Variants in ESRRG observed in about 807,000 individuals in gnomAD.
ESRRG encodes the protein estrogen related receptor gamma.
Under a neutral mutation model 44.0 loss-of-function variants are expected in ESRRG, and 13 were observed. The observed-to-expected ratio is 0.30, with a 90% CI of 0.19 to 0.47. The LOEUF (loss-of-function observed/expected upper bound fraction) is 0.47. ESRRG is among the 20% of genes least tolerant of loss of function. The pLI is 1.00. For synonymous variants in ESRRG, 215 were observed against 214.6 expected (o/e 1.00, Z -0.02); for missense variants, 395 against 580.6 (o/e 0.68, Z 3.29).
chr1:216,736,076 G>A (rs111851864), intron 2 of ESRRG, among the ~76,000 whole-genome samples: 9,322 of 150,832 alleles, frequency 0.062, 369 homozygotes, highest in African/African-American at 0.091. Context: ...TGAGAACAGG[G>A]GGGGAGTTTC....
At chr1:216,655,483 T>TG (rs1304877222) in intron 2 of ESRRG, among the ~76,000 whole-genome samples, 3 of 152,082 alleles carry the variant, frequency 2.0e-5, no homozygotes, top group African/African-American at 7.2e-5. Flanking sequence ...ATGACTACAC[T>TG]GGGGTAAAGG....
At chr1:217,130,557 G>T (rs1345457011) in intron 1 of ESRRG, among the ~76,000 whole-genome samples, 1 of 152,068 alleles carries the variant, frequency 6.6e-6, no homozygotes, top group Non-Finnish European at 1.5e-5. Flanking sequence ...CCTTCCTGAT[G>T]TTACATCTCC....
chr1:216,919,811 A>C (rs11572510), intron 2 of ESRRG, among the ~76,000 whole-genome samples: 11,106 of 152,240 alleles, frequency 0.073, 465 homozygotes, highest in Non-Finnish European at 0.091. Flanking sequence ...AGTGTATGGT[A>C]GGAGAACAAG....
chr1:217,131,975 T>C (rs368197120), intron 1 of ESRRG, among the ~76,000 whole-genome samples: 2 of 152,008 alleles, frequency 1.3e-5, no homozygotes, highest in South Asian at 2.1e-4. Flanking sequence ...ACTGACCTCT[T>C]AGAAAAAGAA....
At chr1:216,801,667 G>T (rs192159369) in intron 2 of ESRRG, among the ~76,000 whole-genome samples, 1 of 152,044 alleles carries the variant, frequency 6.6e-6, no homozygotes, top group African/African-American at 2.4e-5. Context: ...TTGTGGTTTC[G>T]ATTTGCATCT....
intron 6 of ESRRG, among the ~76,000 whole-genome samples, chr1:216,515,459 C>A (rs778336040): frequency 2.6e-5 from 4 of 152,072 alleles, no homozygotes; most frequent in Non-Finnish European, 5.9e-5. Flanking sequence ...ATTCCAGTAT[C>A]CTACAGCAAT....
chr1:216,527,092 C>T (rs1480732793), intron 5 of ESRRG, among the ~76,000 whole-genome samples: 2 of 152,158 alleles, frequency 1.3e-5, no homozygotes, highest in Admixed American at 1.3e-4. Context: ...TAATCCTTGT[C>T]ATCTAAGATT....
At chr1:217,080,671 GTTTTTTTTT>G (rs34598045) in intron 1 of ESRRG, among the ~76,000 whole-genome samples, 2 of 65,246 alleles carry the variant, frequency 3.1e-5, no homozygotes, top group Non-Finnish European at 5.6e-5. Context: ...TGTTTTTTTG[GTTTTTTTTT>G]TTTTTTTTTT....
chr1:216,929,284 T>C lies in ESRRG; in HGVS notation c.-14+10298A>G, dbSNP rs1367830398. On this transcript the variant is annotated intron_variant, in intron 2 of 7. Coordinates refer to the ESRRG transcript ENST00000359162. ...CTTGCTTCCTTCCTTCCTTCCTTCC[T>C]TCCCTCTTTCCCTTAAGAAATATTT... Among the ~76,000 whole-genome samples the C allele has an allele frequency of 5.9e-5, 9 of 152,208 alleles. No individual in the cohort carries two copies. The East Asian group carries it at 1.7e-3, about 29-fold the overall frequency.
chr1:217,075,871 T>C (rs1363526764), intron 1 of ESRRG, among the ~76,000 whole-genome samples: 2 of 152,202 alleles, frequency 1.3e-5, no homozygotes, highest in Non-Finnish European at 1.5e-5. Context: ...TTGATGCTTT[T>C]ACATTTTATT....
At chr1:216,621,177 A>G (rs1055133685) in intron 3 of ESRRG, among the ~76,000 whole-genome samples, 5 of 152,214 alleles carry the variant, frequency 3.3e-5, no homozygotes, top group African/African-American at 1.2e-4. Context: ...TAACACATTC[A>G]AAGTACTAAC....
intron 1 of ESRRG, among the ~76,000 whole-genome samples, chr1:216,961,349 T>C (rs894015559): frequency 3.9e-5 from 6 of 152,172 alleles, no homozygotes; most frequent in Non-Finnish European, 7.4e-5. Context: ...AAGAAAATTA[T>C]TTTGCCAGTG....
At chr1:216,517,693 A>G (rs1194909848) in intron 6 of ESRRG, among the ~76,000 whole-genome samples, 1 of 152,178 alleles carries the variant, frequency 6.6e-6, no homozygotes, top group East Asian at 1.9e-4. Flanking sequence ...ATACAAACTA[A>G]TAAATCCTCA....
rs555569130 is a variant in ESRRG at position 216,735,144 on chromosome 1, G to A, written c.-13-57653C>T. ...GGCTGGTTTCCAACTCCTCACCTCA[G>A]GTGATCTGCCTTCCTCGCCTCCCAA... On this transcript the variant is annotated intron_variant, in intron 2 of 7. Coordinates refer to the ESRRG transcript ENST00000359162. Among the ~76,000 whole-genome samples the A allele has an allele frequency of 2.0e-5, 3 of 151,646 alleles. No individual in the cohort carries two copies. In the South Asian group the frequency reaches 6.3e-4, roughly 32 times the overall value.
chr1:216,582,632 G>T (rs934786399), intron 3 of ESRRG, among the ~76,000 whole-genome samples: 1 of 152,076 alleles, frequency 6.6e-6, no homozygotes, highest in Non-Finnish European at 1.5e-5. Flanking sequence ...GTAGAGATGG[G>T]GTTTCACCAT....
chr1:216,873,718 A>T (rs1332830660), intron 2 of ESRRG, among the ~76,000 whole-genome samples: 1 of 150,996 alleles, frequency 6.6e-6, no homozygotes, highest in East Asian at 2.0e-4. Context: ...AGTAACATTG[A>T]TGTGCTCCAC....
intron 1 of ESRRG, among the ~76,000 whole-genome samples, chr1:217,000,896 ACACTTTTC>A (rs1471697716): frequency 6.6e-6 from 1 of 152,234 alleles, no homozygotes; most frequent in East Asian, 1.9e-4. Flanking sequence ...AAAGACAGAT[ACACTTTTC>A]CATTCAATCA....
chr1:216,680,888 C>T (rs1018942993), intron 1 of ESRRG, among the ~76,000 whole-genome samples: 3 of 152,222 alleles, frequency 2.0e-5, no homozygotes, highest in African/African-American at 4.8e-5. Flanking sequence ...CACATTAACT[C>T]TAAGAGGAAT....
At chr1:216,874,670 A>G (rs1368227131) in intron 2 of ESRRG, among the ~76,000 whole-genome samples, 1 of 148,002 alleles carries the variant, frequency 6.8e-6, no homozygotes, top group African/African-American at 2.5e-5. Flanking sequence ...ATTTGATTGA[A>G]GGATGTAAAG....
Sources: gnomAD v4.1 joint callset for allele counts (sites outside exome capture counted in the v4.1 genomes callset) on GRCh38, gnomAD v4.1.1 for gene constraint, MANE v1.5 for transcripts, NCBI Gene and HGNC (gene_info 2026-07-23, HGNC 2026-07-21) for gene names.